Variants in GRIN2A observed in about 807,000 individuals in gnomAD.
GRIN2A encodes glutamate ionotropic receptor NMDA type subunit 2A.
In GRIN2A, 22 loss-of-function variants were observed where a neutral mutation model predicts 113.4. The ratio of observed to expected loss-of-function variants is 0.19; its 90% CI spans 0.14 to 0.28. GRIN2A has a LOEUF of 0.28. GRIN2A is among the 10% of genes least tolerant of loss of function. The probability of loss-of-function intolerance (pLI) is 1.00; values close to 1 mark genes in which losing one functional copy is unlikely to be tolerated. For synonymous variants in GRIN2A, 827 were observed against 738.4 expected (o/e 1.12, Z -1.94); for missense variants, 1,502 against 1,887.0 (o/e 0.80, Z 3.78).
At chr16:9,816,592 A>G (rs2042191190) in intron 10 of GRIN2A, among the ~76,000 whole-genome samples, 1 of 152,228 alleles carries the variant, frequency 6.6e-6, no homozygotes, top group Admixed American at 6.5e-5. Flanking sequence ...CATATGTGCG[A>G]CGCTTGCAGT....
intron 2 of GRIN2A, among the ~76,000 whole-genome samples, chr16:10,115,726 G>A (rs2048718461): frequency 1.3e-5 from 2 of 152,314 alleles, no homozygotes; most frequent in East Asian, 1.9e-4. Context: ...ATGGGGTATG[G>A]GGGCGTGGGG....
chr16:9,787,820 C>G (rs973947183), intron 11 of GRIN2A, among the ~76,000 whole-genome samples: 1 of 152,184 alleles, frequency 6.6e-6, no homozygotes, highest in African/African-American at 2.4e-5. Context: ...AGTTCCTCTC[C>G]CCTCTATTTT....
chr16:10,142,032 G>A (rs926142256), intron 2 of GRIN2A, among the ~76,000 whole-genome samples: 40 of 152,204 alleles, frequency 2.6e-4, no homozygotes, highest in African/African-American at 8.7e-4. Context: ...TATGTTTCTT[G>A]AGGCTGATGC....
In GRIN2A at chr16:10,075,431, G is replaced by T. The variant is rs866063137; in HGVS notation, c.414+104567C>A. Among the ~76,000 whole-genome samples the T allele has an allele frequency of 4.3e-4, 66 of 152,138 alleles. 1 individual carries two copies. The highest frequency in any genetic ancestry group is 3.4e-3 in the Middle Eastern group (1 of 294). Reference sequence around the variant, plus strand: ...CAGAAAGTAGAATAGTAGTTACCAGGGACCAAGCAGCGGGGCGGAATGGAG... The same window carrying T: ...CAGAAAGTAGAATAGTAGTTACCAGTGACCAAGCAGCGGGGCGGAATGGAG... On this transcript the variant is annotated intron_variant, in intron 2 of 12. Transcript: ENST00000330684.
intron 2 of GRIN2A, among the ~76,000 whole-genome samples, chr16:10,046,328 GTT>G (rs36075422): frequency 5.4e-4 from 79 of 145,846 alleles, no homozygotes; most frequent in South Asian, 1.5e-3. Context: ...TTTTTAAATT[GTT>G]TTTTTTTTTT....
chr16:9,829,681 C>A, intron 8 of GRIN2A, 29 bp from the exon 9 acceptor site: 1 of 1,542,460 alleles, frequency 6.5e-7, no homozygotes, highest in Non-Finnish European at 9.0e-7. Flanking sequence ...ACATTCTCAG[C>A]ATTTTCTGAA....
At chr16:10,039,838 G>GAGAGAGGAC (rs1567254030) in intron 2 of GRIN2A, among the ~76,000 whole-genome samples, 1 of 95,836 alleles carries the variant, frequency 1.0e-5, no homozygotes, top group African/African-American at 4.8e-5. Context: ...AGAGAGAGGA[G>GAGAGAGGAC]TCCTGGTCCA....
At chr16:10,029,509 C>A (rs2046889553) in intron 2 of GRIN2A, among the ~76,000 whole-genome samples, 2 of 151,830 alleles carry the variant, frequency 1.3e-5, no homozygotes, top group African/African-American at 2.4e-5. Flanking sequence ...AAAAGAAAAA[C>A]AGTATTTTAA....
chr16:10,039,198 C>T (rs1310715171), intron 2 of GRIN2A, among the ~76,000 whole-genome samples: 1 of 151,918 alleles, frequency 6.6e-6, no homozygotes, highest in Non-Finnish European at 1.5e-5. Context: ...AAAAGAAAGG[C>T]AGAGGGGGGA....
chr16:10,172,344 G>A (rs2050058571), intron 2 of GRIN2A, among the ~76,000 whole-genome samples: 1 of 152,198 alleles, frequency 6.6e-6, no homozygotes, highest in Admixed American at 6.5e-5. Flanking sequence ...GCTCAACAGG[G>A]CCAGGTGTTA....
chr16:9,860,240 G>A (rs992742501), intron 4 of GRIN2A, among the ~76,000 whole-genome samples: 1 of 151,872 alleles, frequency 6.6e-6, no homozygotes, highest in South Asian at 2.1e-4. Flanking sequence ...CAGATCCCTC[G>A]AGATCAGGAG....
At chr16:9,802,124 T>C (rs1027182670) in intron 10 of GRIN2A, among the ~76,000 whole-genome samples, 1 of 152,122 alleles carries the variant, frequency 6.6e-6, no homozygotes, top group Non-Finnish European at 1.5e-5. Flanking sequence ...ATGGTGGGAG[T>C]GTAGATTAGT....
At chr16:9,922,960 T>G (rs188316744) in intron 3 of GRIN2A, among the ~76,000 whole-genome samples, 7 of 152,282 alleles carry the variant, frequency 4.6e-5, no homozygotes, top group Admixed American at 1.3e-4. Context: ...GTGTGTTCTG[T>G]TGTTGGGTGG....
At chr16:10,060,122 G>A (rs901287196) in intron 2 of GRIN2A, among the ~76,000 whole-genome samples, 1 of 152,058 alleles carries the variant, frequency 6.6e-6, no homozygotes, top group Non-Finnish European at 1.5e-5. Context: ...GAGGAAGTGA[G>A]GGAGAAATCA....
intron 11 of GRIN2A, 100 bp downstream of exon 11, chr16:9,798,177 A>C: frequency 1.1e-6 from 1 of 941,104 alleles, no homozygotes; most frequent in Non-Finnish European, 1.7e-6. Flanking sequence ...TTTAGGGAGC[A>C]AACTCATCAT....
At chr16:9,931,421 A>C (rs2044591934) in intron 3 of GRIN2A, among the ~76,000 whole-genome samples, 1 of 152,210 alleles carries the variant, frequency 6.6e-6, no homozygotes, top group Non-Finnish European at 1.5e-5. Context: ...ATATACTTTA[A>C]GATGTTACAA....
At position 9,763,746 on chromosome 16, in the gene GRIN2A, G is replaced by A. The variant is rs1236179783; in HGVS notation, c.3798C>T (p.Val1266=). 6.2e-7 allele frequency: 1 copy of A among 1,614,156 alleles called. No homozygotes were observed. The highest frequency in any genetic ancestry group is 8.5e-7 in the Non-Finnish European group (1 of 1,180,022). The change falls in exon 13 of 13, where the codon GTC becomes GTT. Residue 1266 remains valine, a synonymous_variant. Coordinates refer to ENST00000330684, the MANE Select transcript of GRIN2A (RefSeq NM_001134407.3). ...TGTTCTGTGCCCAGTCCTGCTGGTA[G>A]ACCTGCTCCCCGGTGGCTGGGTTAC... ...ETGNPATGEQ[V]YQQDWAQNNA...
intron 2 of GRIN2A, among the ~76,000 whole-genome samples, chr16:9,975,395 G>C (rs1377079169): frequency 6.6e-6 from 1 of 152,186 alleles, no homozygotes; most frequent in Admixed American, 6.5e-5. Flanking sequence ...AGTCAGAGAA[G>C]TAGCAGAGAA....
intron 7 of GRIN2A, among the ~76,000 whole-genome samples, chr16:9,837,459 A>G (rs939983967): frequency 6.6e-6 from 1 of 152,188 alleles, no homozygotes; most frequent in Non-Finnish European, 1.5e-5. Flanking sequence ...TTCAATATTC[A>G]CGACCCATTT....
Sources: allele counts gnomAD v4.1 joint callset (sites outside exome capture counted in the v4.1 genomes callset), GRCh38; gene constraint gnomAD v4.1.1; transcripts MANE v1.5; gene names NCBI Gene and HGNC (gene_info 2026-07-23, HGNC 2026-07-21).